Variants in AGBL4 observed in about 807,000 individuals in gnomAD.
AGBL4 encodes cytosolic carboxypeptidase 6.
AGBL4 carries 58 observed loss-of-function variants against 66.4 expected under a neutral mutation model. That is an observed-to-expected ratio of 0.87 (90% CI 0.71 to 1.09). The LOEUF (loss-of-function observed/expected upper bound fraction) is 1.09, where lower values mean the gene tolerates loss of function less well. AGBL4 is among the 50% of genes least tolerant of loss of function. The pLI, the probability that AGBL4 is intolerant of heterozygous loss-of-function variation, is 0.00. For synonymous variants in AGBL4, 234 were observed against 222.9 expected (o/e 1.05, Z -0.44); for missense variants, 579 against 631.0 (o/e 0.92, Z 0.88).
chr1:48,787,069 G>A (rs1645426869), intron 6 of AGBL4, among the ~76,000 whole-genome samples: 1 of 152,126 alleles, frequency 6.6e-6, no homozygotes, highest in East Asian at 1.9e-4. Flanking sequence ...GAGGAAACAA[G>A]GCATAGGGAT....
chr1:48,832,521 C>A (rs534614627), intron 6 of AGBL4, among the ~76,000 whole-genome samples: 1 of 152,248 alleles, frequency 6.6e-6, no homozygotes, highest in South Asian at 2.1e-4. Flanking sequence ...GGAATTCTTG[C>A]CCCTCTTGTG....
intron 2 of AGBL4, among the ~76,000 whole-genome samples, chr1:49,841,666 T>C (rs575533567): frequency 1.3e-5 from 2 of 151,704 alleles, no homozygotes; most frequent in Middle Eastern, 3.4e-3. Flanking sequence ...TGGAACAGAA[T>C]AGAAAATAGA....
At chr1:48,870,782 GAC>G (rs1422428062) in intron 5 of AGBL4, among the ~76,000 whole-genome samples, 1 of 152,128 alleles carries the variant, frequency 6.6e-6, no homozygotes, top group Admixed American at 6.5e-5. Flanking sequence ...ACCGATCACT[GAC>G]ATATGTGTGC....
intron 3 of AGBL4, among the ~76,000 whole-genome samples, chr1:49,263,553 C>T (rs1023303317): frequency 2.0e-5 from 3 of 152,016 alleles, no homozygotes; most frequent in African/African-American, 7.2e-5. Context: ...ACTCCACTAG[C>T]AGTTGAGGAA....
chr1:49,749,069 T>A (rs2147831237), intron 2 of AGBL4, among the ~76,000 whole-genome samples: 1 of 152,366 alleles, frequency 6.6e-6, no homozygotes, highest in Middle Eastern at 3.4e-3. Flanking sequence ...GTTTTAGTAA[T>A]GAAGTCTTTG....
intron 2 of AGBL4, among the ~76,000 whole-genome samples, chr1:49,849,020 A>G (rs1646232100): frequency 6.6e-6 from 1 of 152,178 alleles, no homozygotes; most frequent in Non-Finnish European, 1.5e-5. Flanking sequence ...TTACTGGACA[A>G]CATGGTTAAA....
chr1:49,844,883 T>C (rs1646095949), intron 2 of AGBL4: 7 of 1,443,920 alleles, frequency 4.8e-6, no homozygotes, highest in Non-Finnish European at 6.8e-6. Context: ...GCAGCCTTGA[T>C]GCCTTTGAAG....
chr1:48,605,641 G>A (rs921661969), intron 9 of AGBL4, among the ~76,000 whole-genome samples: 2 of 152,130 alleles, frequency 1.3e-5, no homozygotes, highest in Non-Finnish European at 2.9e-5. Context: ...AAATCACATT[G>A]TCTTCATTTT....
chr1:48,701,870 GA>G (rs1646807327), intron 6 of AGBL4, among the ~76,000 whole-genome samples: 1 of 152,124 alleles, frequency 6.6e-6, no homozygotes, highest in Admixed American at 6.5e-5. Context: ...ATAAATGAAT[GA>G]ATGAATGAGT....
chr1:49,824,333 C>T (rs1194170992), intron 2 of AGBL4, among the ~76,000 whole-genome samples: 2 of 152,086 alleles, frequency 1.3e-5, no homozygotes, highest in African/African-American at 4.8e-5. Flanking sequence ...GGGCTGACAC[C>T]TGGGTTATAC....
Position 49,471,373 on chromosome 1 carries a change from C to A in AGBL4, c.283-225509G>T, listed in dbSNP as rs540295802. 2.5e-4 allele frequency among the ~76,000 whole-genome samples: 38 copies of A among 152,052 alleles called. No individual in the cohort carries two copies. In the East Asian group the frequency reaches 6.8e-3, roughly 27 times the overall value. Reference sequence around the variant, plus strand: ...AAAAATTTGTTTTTGTTTTTGTTTTCAGTCTTAACTTCTCAAATATTCAGG... The same window carrying A: ...AAAAATTTGTTTTTGTTTTTGTTTTAAGTCTTAACTTCTCAAATATTCAGG... On this transcript the variant is annotated intron_variant, in intron 3 of 13. Coordinates refer to ENST00000371839, the MANE Select transcript of AGBL4 (RefSeq NM_032785.4).
chr1:49,307,345 AAAAC>A (rs973162589), intron 3 of AGBL4, among the ~76,000 whole-genome samples: 40 of 152,240 alleles, frequency 2.6e-4, no homozygotes, highest in African/African-American at 8.2e-4. Context: ...ACAAAAACAA[AAAAC>A]AAACAAACAA....
chr1:48,959,354 C>T (rs1657763169), intron 5 of AGBL4, among the ~76,000 whole-genome samples: 1 of 152,110 alleles, frequency 6.6e-6, no homozygotes, highest in Non-Finnish European at 1.5e-5. Flanking sequence ...AGTAGATGCT[C>T]AATAAATACT....
At position 49,855,362 on chromosome 1, in the gene AGBL4, A is replaced by G. The variant is rs1374328893; in HGVS notation, c.35-3844T>C. Among the ~76,000 whole-genome samples the G allele has an allele frequency of 3.9e-5, 6 of 152,310 alleles. No individual in the cohort carries two copies. In the South Asian group the frequency reaches 8.3e-4, roughly 21 times the overall value. ...ATTCAGCATTGGACACATCATATAG[A>G]AAGCAAATCAACAAATTATCTGCAC... is the stretch of plus-strand genomic sequence containing the variant. On this transcript the variant is annotated intron_variant, in intron 1 of 13. Coordinates refer to ENST00000371839, the MANE Select transcript of AGBL4 (RefSeq NM_032785.4).
At chr1:49,714,097 C>T (rs1382385212) in intron 2 of AGBL4, among the ~76,000 whole-genome samples, 5 of 151,948 alleles carry the variant, frequency 3.3e-5, no homozygotes, top group Admixed American at 1.3e-4. Context: ...CATTTTAGTA[C>T]GTGGAAACTG....
intron 2 of AGBL4, among the ~76,000 whole-genome samples, chr1:49,803,242 T>C (rs1644905068): frequency 6.6e-6 from 1 of 152,076 alleles, no homozygotes; most frequent in South Asian, 2.1e-4. Context: ...CAAGATTTGA[T>C]CCCCACTCCT....
At chr1:48,542,704 ATTTG>A (rs1644094016) in intron 11 of AGBL4, among the ~76,000 whole-genome samples, 1 of 151,986 alleles carries the variant, frequency 6.6e-6, no homozygotes, top group Non-Finnish European at 1.5e-5. Context: ...TTTCTTGTAA[ATTTG>A]TTTAAGTTCC....
At chr1:49,872,873 A>G (rs543113313) in intron 1 of AGBL4, among the ~76,000 whole-genome samples, 1 of 152,208 alleles carries the variant, frequency 6.6e-6, no homozygotes, top group South Asian at 2.1e-4. Flanking sequence ...ATTAGATTCT[A>G]GCCTTGCCTA....
intron 3 of AGBL4, among the ~76,000 whole-genome samples, chr1:49,394,666 G>A (rs1164404549): frequency 1.3e-5 from 2 of 152,184 alleles, no homozygotes; most frequent in African/African-American, 4.8e-5. Flanking sequence ...CCATGGCAAA[G>A]ATATATTTGG....
Sources: gnomAD v4.1 joint callset for allele counts (sites outside exome capture counted in the v4.1 genomes callset) on GRCh38, gnomAD v4.1.1 for gene constraint, MANE v1.5 for transcripts, NCBI Gene and HGNC (gene_info 2026-07-23, HGNC 2026-07-21) for gene names.